CACNA1C: variants seen among roughly 807,000 people sequenced by gnomAD.
CACNA1C encodes the protein voltage-dependent L-type calcium channel subunit alpha-1C.
A neutral mutation model predicts 229.0 loss-of-function variants in CACNA1C; 30 were observed. The ratio of observed to expected loss-of-function variants is 0.13; its 90% CI spans 0.10 to 0.18. CACNA1C has a LOEUF of 0.18. Among genes scored for constraint, CACNA1C ranks in the 10% least tolerant of loss-of-function variants. The pLI is 1.00. For missense variants in CACNA1C, 1,658 were observed against 2,845.0 expected (o/e 0.58, Z 9.49); for synonymous variants, 1,114 against 1,132.5 (o/e 0.98, Z 0.33).
rs114659549 is a variant in CACNA1C at position 2,523,852 on chromosome 12, G to A, written c.1390+10868G>A. On this transcript the variant is annotated intron_variant, in intron 9 of 46. Transcript: ENST00000399655. ...TCTCCAATAACCAGTGCTCAGCCCCGAAACAGAGCTGCCTACACTACAGTT... is the reference window on the plus strand; with the variant it reads ...TCTCCAATAACCAGTGCTCAGCCCCAAAACAGAGCTGCCTACACTACAGTT... Among the ~76,000 whole-genome samples, 1,079 of 152,264 alleles carry A rather than the reference G, an allele frequency of 7.1e-3. 20 individuals carry two copies. Among genetic ancestry groups the A allele is most frequent in the African/African-American group, 0.023 (950 of 41,536 alleles).
intron 3 of CACNA1C, among the ~76,000 whole-genome samples, chr12:2,213,097 G>A (rs1185000562): frequency 1.3e-5 from 2 of 152,114 alleles, no homozygotes; most frequent in Non-Finnish European, 2.9e-5. Flanking sequence ...TCTGGGGCTG[G>A]GGCCCGGCTA....
intron 3 of CACNA1C, among the ~76,000 whole-genome samples, chr12:2,429,169 C>T (rs1748181295): frequency 6.6e-6 from 1 of 152,042 alleles, no homozygotes; most frequent in African/African-American, 2.4e-5. Flanking sequence ...TGTCTGTTTT[C>T]CCTTCTTATA....
At chr12:2,442,838 A>G (rs1055520264) in intron 3 of CACNA1C, among the ~76,000 whole-genome samples, 2 of 152,168 alleles carry the variant, frequency 1.3e-5, no homozygotes, top group Non-Finnish European at 2.9e-5. Context: ...AAATGATCAG[A>G]TCTTACAGGA....
chr12:2,074,561 GA>G (rs57422125), intron 1 of CACNA1C, among the ~76,000 whole-genome samples: 1 of 152,184 alleles, frequency 6.6e-6, no homozygotes, highest in African/African-American at 2.4e-5. Flanking sequence ...TCTCCTCTGG[GA>G]GATGGAAATT....
chr12:2,301,047 G>A (rs2094518875), intron 3 of CACNA1C, among the ~76,000 whole-genome samples: 1 of 152,188 alleles, frequency 6.6e-6, no homozygotes, highest in Non-Finnish European at 1.5e-5. Flanking sequence ...GACAGCTGGT[G>A]GTAGTCTGCA....
At chr12:2,530,008 C>G (rs1476286700) in intron 9 of CACNA1C, among the ~76,000 whole-genome samples, 1 of 152,226 alleles carries the variant, frequency 6.6e-6, no homozygotes, top group Non-Finnish European at 1.5e-5. Context: ...TGGTCTTCAG[C>G]ACAATGCTCA....
At chr12:2,125,399 G>A (rs954283831) in intron 3 of CACNA1C, among the ~76,000 whole-genome samples, 8 of 152,168 alleles carry the variant, frequency 5.3e-5, no homozygotes, top group African/African-American at 1.9e-4. Flanking sequence ...TTCAATGCTT[G>A]AAACATTCCC....
At chr12:2,541,118 A>G (rs1306663324) in intron 9 of CACNA1C, among the ~76,000 whole-genome samples, 1 of 151,924 alleles carries the variant, frequency 6.6e-6, no homozygotes, top group Non-Finnish European at 1.5e-5. Context: ...GATTCAGCCC[A>G]CCCTCATGAC....
intron 3 of CACNA1C, among the ~76,000 whole-genome samples, chr12:2,274,585 G>C (rs932777433): frequency 2.6e-5 from 4 of 152,170 alleles, no homozygotes; most frequent in African/African-American, 9.7e-5. Context: ...CGACGTGCAC[G>C]GTTTCTAATT....
chr12:2,023,398 C>T (rs1470857102), intron 1 of CACNA1C, among the ~76,000 whole-genome samples: 4 of 152,144 alleles, frequency 2.6e-5, no homozygotes. Flanking sequence ...TGGCTTTTAT[C>T]ACTTTCTACT....
intron 3 of CACNA1C, among the ~76,000 whole-genome samples, chr12:2,196,870 T>G (rs906681121): frequency 6.6e-6 from 1 of 152,198 alleles, no homozygotes. Context: ...GAAAAACTGC[T>G]CCTGGGCTCT....
rs181367308 is a variant in CACNA1C, at chr12:2,355,270, A to G, written c.478-93706A>G. Among the ~76,000 whole-genome samples the G allele has an allele frequency of 1.7e-3, 255 of 152,274 alleles. 2 individuals carry two copies. The highest frequency in any genetic ancestry group is 5.7e-3 in the African/African-American group (235 of 41,544). ...GAGAAGCTGGCTGATGTTCACTGAC[A>G]TGTGGCTGCATGGCCACATCAGTTG... On this transcript the variant is annotated intron_variant, in intron 3 of 46. Coordinates refer to ENST00000399655, the MANE Select transcript of CACNA1C (RefSeq NM_000719.7).
chr12:2,615,237 G>A (rs897926343), intron 29 of CACNA1C, among the ~76,000 whole-genome samples: 1 of 152,194 alleles, frequency 6.6e-6, no homozygotes, highest in African/African-American at 2.4e-5. Context: ...GAAAAGTGCT[G>A]GCTGGAATAT....
chr12:2,372,398 C>T (rs142087124), intron 3 of CACNA1C, among the ~76,000 whole-genome samples: 58 of 152,270 alleles, frequency 3.8e-4, no homozygotes, highest in Middle Eastern at 3.4e-3. Context: ...GTTGCCATGA[C>T]GCTGGGGAGA....
At chr12:2,532,361 C>T (rs115110735) in intron 9 of CACNA1C, among the ~76,000 whole-genome samples, 459 of 152,272 alleles carry the variant, frequency 3.0e-3, no homozygotes, top group African/African-American at 0.01. Context: ...CCCCTCGACA[C>T]AGTCCTTCCT....
At chr12:2,540,236 T>C (rs1357587707) in intron 9 of CACNA1C, among the ~76,000 whole-genome samples, 1 of 152,150 alleles carries the variant, frequency 6.6e-6, no homozygotes, top group Non-Finnish European at 1.5e-5. Context: ...GGACAGACTC[T>C]CAACTGTCCG....
In CACNA1C at chr12:2,070,882, CCCTT is replaced by C. The variant is rs199613846; in HGVS notation, c.49+17288_49+17291del. Among the ~76,000 whole-genome samples, 641 of 144,796 alleles carry C rather than the reference CCCTT, an allele frequency of 4.4e-3. 2 individuals are homozygous for C. Among genetic ancestry groups the C allele is most frequent in the Non-Finnish European group, 5.0e-3 (330 of 66,512 alleles). 95.0% of individuals were successfully genotyped at this position (144,796 alleles called of 152,430 possible). A position where few individuals can be genotyped will look rare whatever the true frequency, so the allele number is the denominator to read the frequency against. On this transcript the variant is annotated intron_variant, in intron 1 of 46. Transcript: ENST00000399655. ...TTTTCTTTCTTTATTTTCTTTCTTT[CCCTT>C]CCTTCCTTCCTTCCTTTTCTCTCTC... is the stretch of plus-strand genomic sequence containing the variant.
intron 5 of CACNA1C, among the ~76,000 whole-genome samples, chr12:2,483,279 C>T (rs1202925784): frequency 6.6e-6 from 1 of 152,192 alleles, no homozygotes; most frequent in Non-Finnish European, 1.5e-5. Flanking sequence ...AGTTTACCTG[C>T]AGGTGACAGG....
chr12:2,241,258 G>A (rs2070029160), intron 3 of CACNA1C, among the ~76,000 whole-genome samples: 1 of 152,078 alleles, frequency 6.6e-6, no homozygotes, highest in Non-Finnish European at 1.5e-5. Context: ...TGTCATGGCA[G>A]CCTTAGAGAA....
Sources: allele counts gnomAD v4.1 joint callset (sites outside exome capture counted in the v4.1 genomes callset), GRCh38; gene constraint gnomAD v4.1.1; transcripts MANE v1.5; gene names NCBI Gene and HGNC (gene_info 2026-07-23, HGNC 2026-07-21).